Variants in EPN1 observed in about 807,000 individuals in gnomAD.
EPN1 encodes epsin 1, also known as epsin-1.
A neutral mutation model predicts 56.9 loss-of-function variants in EPN1; 25 were observed. The observed-to-expected ratio is 0.44, with a 90% confidence interval of 0.32 to 0.61. EPN1 has a LOEUF of 0.61. Ranked by LOEUF, EPN1 falls within the 20% of genes least tolerant of loss-of-function variation. The pLI is 0.05. For missense variants in EPN1, 785 were observed against 823.7 expected, an observed-to-expected ratio of 0.95 and a Z score of 0.58; for synonymous variants, 411 against 361.8, an observed-to-expected ratio of 1.14 and a Z score of -1.54.
chr19:55,680,475 C>G (rs942921506), intron 2 of EPN1, among the ~76,000 whole-genome samples: 3 of 152,226 alleles, frequency 2.0e-5, no homozygotes, highest in Non-Finnish European at 2.9e-5. Context: ...GGGGTTCCCG[C>G]TCCACCCTGA....
intron 9 of EPN1, 103 bp downstream of exon 9, chr19:55,693,140 C>A: frequency 8.5e-7 from 1 of 1,171,900 alleles, no homozygotes; most frequent in East Asian, 2.4e-5. Context: ...GCAGGGCCGG[C>A]TGGACTTAGG....
intron 3 of EPN1, among the ~76,000 whole-genome samples, chr19:55,686,943 A>G (rs754708839): frequency 1.3e-4 from 20 of 151,936 alleles, no homozygotes; most frequent in Non-Finnish European, 2.2e-4. Context: ...ACTTTGTGCA[A>G]GGCCAGAGCT....
intron 2 of EPN1, 56 bp from the exon 3 acceptor site, chr19:55,685,340 C>A: frequency 6.4e-7 from 1 of 1,573,034 alleles, no homozygotes; most frequent in South Asian, 1.2e-5. Context: ...CGCAGGCAGT[C>A]TCTGGCCCGC....
chr19:55,696,627 G>C lies in EPN1; in HGVS notation c.*1271G>C, dbSNP rs866553000. On this transcript the variant is annotated 3_prime_UTR_variant, in exon 11 of 11. Transcript: ENST00000270460. ...GCCCGGGGGACGCTCTGGGCTCAGG[G>C]TGGGGCCAGACAGCTACATCACAGG... 3 of 152,420 alleles carry C rather than the reference G, an allele frequency of 2.0e-5. No individual in the cohort carries two copies. The highest frequency in any genetic ancestry group is 2.0e-4 in the Admixed American group (3 of 15,286). 9.4% of individuals were successfully genotyped at this position (152,420 alleles called of 1,614,324 possible).
Position 55,688,850 on chromosome 19 carries a change from G to A in EPN1, c.479-20G>A, listed in dbSNP as rs191908437. ...TCGTTCCCTGGTCTGGGTCTCACGCGTTTCTCACCCGCCCTCCAGCCTCAT... is the reference window on the plus strand; with the variant it reads ...TCGTTCCCTGGTCTGGGTCTCACGCATTTCTCACCCGCCCTCCAGCCTCAT... On this transcript the variant is annotated intron_variant, in intron 3 of 10. Transcript: ENST00000270460. 9.6e-6 allele frequency: 15 copies of A among 1,570,202 alleles called. No homozygotes were observed. In the East Asian group the frequency reaches 2.4e-4, roughly 25 times the overall value.
Position 55,691,748 on chromosome 19 carries a change from C to T in EPN1, c.763-6C>T, listed in dbSNP as rs1986562596. The T allele has an allele frequency of 6.2e-7, 1 of 1,609,728 alleles. No homozygotes were observed. Among genetic ancestry groups the T allele is most frequent in the Non-Finnish European group, 8.5e-7 (1 of 1,177,736 alleles). ...TCATGCTCCTTCTCTTCTCTCTCCC[C>T]CACAGTCGTCCCTCATGGACCTTGC... On this transcript the variant is annotated splice_polypyrimidine_tract_variant and splice_region_variant and intron_variant, in intron 6 of 10. Transcript: ENST00000270460. This position sits in a 1 kb window ranked among gnomAD's most constrained non-coding sequence, Gnocchi z 5.6.
intron 2 of EPN1, among the ~76,000 whole-genome samples, chr19:55,684,288 G>A (rs1410777648): frequency 6.6e-6 from 1 of 152,190 alleles, no homozygotes; most frequent in African/African-American, 2.4e-5. Flanking sequence ...TAGGAGCCCT[G>A]GGTGGGTTTC....
rs982744616 is a variant in EPN1 at position 55,692,125 on chromosome 19, C to A, written c.1066+68C>A. ...GCACCTGTCTTTGGTTGACTGTGCC[C>A]TTGGACAGGGACAGATCGAGCCAGT... On this transcript the variant is annotated intron_variant, in intron 7 of 10. Coordinates refer to ENST00000270460, the MANE Select transcript of EPN1 (RefSeq NM_001130072.2). 40 of 1,358,812 alleles carry A rather than the reference C, an allele frequency of 2.9e-5. No individual in the cohort carries two copies. In the African/African-American group the frequency reaches 5.6e-4, roughly 19 times the overall value. The allele number at this position is 1,358,812 out of a possible 1,614,324, so 84.2% of individuals were successfully genotyped here.
Position 55,696,083 on chromosome 19 carries a change from GGGA to G in EPN1, c.*732_*734del, listed in dbSNP as rs1480238255. On this transcript the variant is annotated 3_prime_UTR_variant, in exon 11 of 11. Coordinates refer to ENST00000270460, the MANE Select transcript of EPN1 (RefSeq NM_001130072.2). ...AGGTCAGAGAGTGCACTGGGGTTCAGGGAGGAGAAGAATCCTGAGAGATGGCAC... is the reference window on the plus strand; with the variant it reads ...AGGTCAGAGAGTGCACTGGGGTTCAGGGAGAAGAATCCTGAGAGATGGCAC... 2 of 152,518 alleles carry G rather than the reference GGGA, an allele frequency of 1.3e-5. No homozygotes were observed. Among genetic ancestry groups the G allele is most frequent in the Admixed American group, 6.5e-5 (1 of 15,284 alleles). 9.4% of individuals were successfully genotyped at this position (152,518 alleles called of 1,614,324 possible). A position where few individuals can be genotyped will look rare whatever the true frequency, so the allele number is the denominator to read the frequency against.
chr19:55,704,575 G>A lies in EPN1; in HGVS notation c.*9219G>A, dbSNP rs774846910. On this transcript the variant is annotated 3_prime_UTR_variant, in exon 11 of 11. Transcript: ENST00000270460. ...TGAGAAAATCCATTGACGTTCTATA[G>A]CGCTCCCAGCTGGCGGTACTTTGTT... 6.6e-6 allele frequency: 1 copy of A among 152,212 alleles called. No homozygotes were observed. Among genetic ancestry groups the A allele is most frequent in the Non-Finnish European group, 1.5e-5 (1 of 68,080 alleles). 9.4% of individuals were successfully genotyped at this position (152,212 alleles called of 1,614,324 possible).
At chr19:55,692,648 A>AGGTTGCCAG in intron 7 of EPN1, 38 bp from the exon 8 acceptor site, 1 of 1,382,840 alleles carries the variant, frequency 7.2e-7, no homozygotes, top group Non-Finnish European at 9.7e-7. Context: ...TGGGCAGTCA[A>AGGTTGCCAG]GGTTGCCAGC....
chr19:55,690,019 G>A (rs977628158), intron 6 of EPN1, 69 bp downstream of exon 6: 71 of 1,407,748 alleles, frequency 5.0e-5, no homozygotes, highest in East Asian at 3.5e-4. Flanking sequence ...TCATTCCTGC[G>A]TGGCCAGGTC....
At chr19:55,687,085 T>C (rs1244396582) in intron 3 of EPN1, among the ~76,000 whole-genome samples, 1 of 152,218 alleles carries the variant, frequency 6.6e-6, no homozygotes, top group Non-Finnish European at 1.5e-5. Context: ...TATGTAGTTT[T>C]CACGTGTCTT....
At position 55,693,013 on chromosome 19, in the gene EPN1, C is replaced by T; in HGVS notation, c.1240C>T (p.Leu414=). 6.2e-7 allele frequency: 1 copy of T among 1,613,244 alleles called. No individual in the cohort carries two copies. The highest frequency in any genetic ancestry group is 8.5e-7 in the Non-Finnish European group (1 of 1,179,530). ...TGACTTTGACCGACTCCGCACGGCA[C>T]TGCCGACCTCCGGGAGCAGCGCAGG... The part of the protein sequence containing the change: ...FSDFDRLRTA[L]PTSGSSAGEL... The change falls in exon 9 of 11, where the codon CTG becomes TTG. Residue 414 remains leucine, a synonymous_variant. Transcript: ENST00000270460.
intron 2 of EPN1, among the ~76,000 whole-genome samples, chr19:55,684,700 G>A (rs541086175): frequency 1.3e-5 from 2 of 152,270 alleles, no homozygotes; most frequent in African/African-American, 2.4e-5. Context: ...TAGTACCAGC[G>A]TGAGGTTTTA....
chr19:55,678,306 C>T (rs192783105), intron 1 of EPN1, among the ~76,000 whole-genome samples: 2 of 152,286 alleles, frequency 1.3e-5, no homozygotes, highest in African/African-American at 4.8e-5. Flanking sequence ...TGTGGGGCTG[C>T]GATCTGCCAC....
At chr19:55,681,703 G>A (rs1985830837) in intron 2 of EPN1, among the ~76,000 whole-genome samples, 1 of 152,102 alleles carries the variant, frequency 6.6e-6, no homozygotes, top group African/African-American at 2.4e-5. Flanking sequence ...TGATAAAGCT[G>A]TCTTTAACAT....
chr19:55,688,000 G>A (rs116124169), intron 3 of EPN1, among the ~76,000 whole-genome samples: 2,342 of 152,308 alleles, frequency 0.015, 55 homozygotes, highest in African/African-American at 0.053. Context: ...CAGGACACAG[G>A]TGCAAGGCGG....
chr19:55,679,914 C>T (rs1370617178), intron 2 of EPN1, among the ~76,000 whole-genome samples: 2 of 151,996 alleles, frequency 1.3e-5, no homozygotes, highest in African/African-American at 2.4e-5. Flanking sequence ...CTGGAGGCAA[C>T]GAGGAGGGAT....
Sources: gnomAD v4.1 joint callset for allele counts (sites outside exome capture counted in the v4.1 genomes callset) on GRCh38, gnomAD v4.1.1 for gene constraint, Gnocchi (gnomAD v3.1) non-coding constraint, MANE v1.5 for transcripts, NCBI Gene and HGNC (gene_info 2026-07-23, HGNC 2026-07-21) for gene names.